Variants in DIPK1A observed in about 807,000 individuals in gnomAD.
The protein encoded by DIPK1A is family with sequence similarity 69 member A.
DIPK1A carries 27 observed loss-of-function variants against 40.8 expected under a neutral mutation model. That is an observed-to-expected ratio of 0.66 (90% confidence interval 0.49 to 0.91). The LOEUF (loss-of-function observed/expected upper bound fraction) is 0.91, where lower values mean the gene tolerates loss of function less well. DIPK1A is among the 40% of genes least tolerant of loss of function. The pLI is 0.00. For missense variants in DIPK1A, 412 were observed against 505.7 expected (o/e 0.81, Z 1.78); for synonymous variants, 166 against 171.3 (o/e 0.97, Z 0.24).
downstream of DIPK1A, among the ~76,000 whole-genome samples, chr1:92,838,662 A>G (rs1302094930): frequency 6.6e-6 from 1 of 152,234 alleles, no homozygotes; most frequent in Admixed American, 6.5e-5. Flanking sequence ...TGTCTCCAAC[A>G]GGAGGTGGTC....
intron 1 of DIPK1A, among the ~76,000 whole-genome samples, chr1:92,948,689 A>ATATATACG (rs1557497557): frequency 5.5e-5 from 8 of 145,912 alleles, no homozygotes; most frequent in Non-Finnish European, 9.0e-5. Context: ...ATGTATATGT[A>ATATATACG]TATATACACA....
chr1:92,850,707 T>C, intron 3 of DIPK1A, 141 bp downstream of exon 3: 1 of 603,424 alleles, frequency 1.7e-6, no homozygotes, highest in South Asian at 2.2e-5. Flanking sequence ...GTCTGTTTAA[T>C]GAATGAATCA....
At chr1:92,917,410 TATAG>T (rs559089980) in intron 1 of DIPK1A, among the ~76,000 whole-genome samples, 71 of 152,296 alleles carry the variant, frequency 4.7e-4, no homozygotes, top group African/African-American at 1.6e-3. Flanking sequence ...TATGTACACA[TATAG>T]ATAGATAGGT....
chr1:92,836,304 G>A, intron 4 of DIPK1A: 1 of 1,614,166 alleles, frequency 6.2e-7, no homozygotes, highest in Non-Finnish European at 8.5e-7. Flanking sequence ...CTGCTATTTG[G>A]ATGCAGGCCT....
rs553318230 is a variant in DIPK1A, at chr1:92,879,669, A to G, written c.55-3239T>C. 9.2e-5 allele frequency among the ~76,000 whole-genome samples: 14 copies of G among 152,356 alleles called. 1 individual carries two copies. Among genetic ancestry groups the G allele is most frequent in the Admixed American group, 8.5e-4 (13 of 15,306 alleles). ...TAAAAGGACCTTCATGCGTCCTTTAATATCTGCAGATCCTGCAGCCTCACA... is the reference window on the plus strand; with the variant it reads ...TAAAAGGACCTTCATGCGTCCTTTAGTATCTGCAGATCCTGCAGCCTCACA... On this transcript the variant is annotated intron_variant, in intron 1 of 4. Transcript: ENST00000370310.
At chr1:92,917,176 T>A (rs1650086932) in intron 1 of DIPK1A, among the ~76,000 whole-genome samples, 2 of 152,022 alleles carry the variant, frequency 1.3e-5, no homozygotes, top group Admixed American at 6.5e-5. Context: ...CTCTTCCCCC[T>A]ATGTTGACTT....
chr1:92,947,999 C>T (rs1031099082), intron 1 of DIPK1A, among the ~76,000 whole-genome samples: 5 of 152,090 alleles, frequency 3.3e-5, no homozygotes, highest in African/African-American at 7.2e-5. Context: ...TGTAGAGTGA[C>T]TCTAGTTAAC....
intron 2 of DIPK1A, among the ~76,000 whole-genome samples, chr1:92,852,088 G>A (rs929439055): frequency 6.6e-6 from 1 of 152,130 alleles, no homozygotes; most frequent in African/African-American, 2.4e-5. Flanking sequence ...GCTGGCTGAA[G>A]GAGACCTCAT....
chr1:92,855,483 G>A (rs953009895), intron 2 of DIPK1A, among the ~76,000 whole-genome samples: 8 of 152,078 alleles, frequency 5.3e-5, no homozygotes, highest in African/African-American at 1.4e-4. Flanking sequence ...AGGACTGCTT[G>A]AGGCCAGAAG....
intron 1 of DIPK1A, among the ~76,000 whole-genome samples, chr1:92,943,047 A>C (rs1344250994): frequency 6.6e-6 from 1 of 152,252 alleles, no homozygotes; most frequent in Non-Finnish European, 1.5e-5. Context: ...CAGATGCTGC[A>C]GTTTAAAATT....
intron 1 of DIPK1A, among the ~76,000 whole-genome samples, chr1:92,885,048 C>T (rs926655849): frequency 6.6e-6 from 1 of 152,108 alleles, no homozygotes; most frequent in African/African-American, 2.4e-5. Flanking sequence ...GACTCCTAGA[C>T]ACATGGTAAT....
At chr1:92,891,002 T>C (rs1648847140) in intron 1 of DIPK1A, among the ~76,000 whole-genome samples, 1 of 152,170 alleles carries the variant, frequency 6.6e-6, no homozygotes, top group South Asian at 2.1e-4. Flanking sequence ...TTACTTGTAA[T>C]TGGTCTGTTC....
chr1:92,911,080 T>C (rs1298876448), intron 1 of DIPK1A, among the ~76,000 whole-genome samples: 3 of 152,226 alleles, frequency 2.0e-5, no homozygotes, highest in Admixed American at 1.3e-4. Flanking sequence ...TGGCTTTTTT[T>C]CGGCAAGCAT....
chr1:92,947,702 A>C (rs1003880507), intron 1 of DIPK1A, among the ~76,000 whole-genome samples: 2 of 152,254 alleles, frequency 1.3e-5, no homozygotes, highest in African/African-American at 4.8e-5. Context: ...AAAGTAATGG[A>C]ATACTATTCA....
At chr1:92,959,143 G>T (rs1464665526) in intron 1 of DIPK1A, among the ~76,000 whole-genome samples, 1 of 152,070 alleles carries the variant, frequency 6.6e-6, no homozygotes, top group East Asian at 1.9e-4. Context: ...AAAATTAGCT[G>T]GGCATGGTGG....
At chr1:92,941,636 T>G (rs745464518) in intron 1 of DIPK1A, among the ~76,000 whole-genome samples, 4 of 152,174 alleles carry the variant, frequency 2.6e-5, no homozygotes, top group Non-Finnish European at 5.9e-5. Flanking sequence ...TAAAATGGAT[T>G]AGCAGTGTGC....
chr1:92,898,143 T>C (rs199887019), intron 1 of DIPK1A, among the ~76,000 whole-genome samples: 2 of 150,498 alleles, frequency 1.3e-5, no homozygotes, highest in East Asian at 4.0e-4. Flanking sequence ...AGAGGTTTAA[T>C]TGGCTCATGG....
At chr1:92,911,087 G>A (rs181354658) in intron 1 of DIPK1A, among the ~76,000 whole-genome samples, 1 of 152,258 alleles carries the variant, frequency 6.6e-6, no homozygotes, top group East Asian at 1.9e-4. Flanking sequence ...TTTTCGGCAA[G>A]CATAATTCCC....
chr1:92,859,593 A>G (rs1243437948), intron 2 of DIPK1A, among the ~76,000 whole-genome samples: 1 of 152,236 alleles, frequency 6.6e-6, no homozygotes, highest in Non-Finnish European at 1.5e-5. Context: ...TCAGGAAGCC[A>G]ATGCTCGAGG....
Sources: allele counts gnomAD v4.1 joint callset (sites outside exome capture counted in the v4.1 genomes callset), GRCh38; gene constraint gnomAD v4.1.1; transcripts MANE v1.5; gene names NCBI Gene and HGNC (gene_info 2026-07-23, HGNC 2026-07-21).